The following TWF1 variants were observed in gnomAD, a reference collection of about 807,000 sequenced individuals.
TWF1 encodes twinfilin-1.
A neutral mutation model predicts 47.9 loss-of-function variants in TWF1; 14 were observed. The ratio of observed to expected loss-of-function variants is 0.29; its 90% CI spans 0.19 to 0.46. The LOEUF (loss-of-function observed/expected upper bound fraction) is 0.46, where lower values mean the gene tolerates loss of function less well. TWF1 is among the 20% of genes least tolerant of loss of function. TWF1 has a pLI of 1.00. For missense variants in TWF1, 281 were observed against 409.3 expected (o/e 0.69, Z 2.70); for synonymous variants, 96 against 139.2 (o/e 0.69, Z 2.18).
rs1194963696 is a variant in TWF1 at position 43,795,556 on chromosome 12, C to G, written c.*29G>C. The G allele has an allele frequency of 6.3e-7, 1 of 1,590,710 alleles. No homozygotes were observed. The highest frequency in any genetic ancestry group is 1.1e-5 in the South Asian group (1 of 89,048). On this transcript the variant is annotated 3_prime_UTR_variant, in exon 9 of 9. Coordinates refer to ENST00000395510, the MANE Select transcript of TWF1 (RefSeq NM_002822.5). Reference sequence around the variant, plus strand: ...TACTAAAAGCTGGACTTTTAAAAAACTAGTATTACAATGTTTAATGTGATG... The same window carrying G: ...TACTAAAAGCTGGACTTTTAAAAAAGTAGTATTACAATGTTTAATGTGATG...
chr12:43,803,828 A>G (rs1342414971), intron 2 of TWF1, among the ~76,000 whole-genome samples: 1 of 152,144 alleles, frequency 6.6e-6, no homozygotes, highest in African/African-American at 2.4e-5. Flanking sequence ...TTACTTTTCC[A>G]AAGCAAAATA....
At chr12:43,800,564 A>T (rs1381258364) in intron 3 of TWF1, 34 bp from the exon 4 acceptor site, 2 of 1,514,076 alleles carry the variant, frequency 1.3e-6, no homozygotes, top group South Asian at 2.3e-5. Context: ...TAGTTTATAG[A>T]TGAAAACATA....
Position 43,802,295 on chromosome 12 carries a change from A to C in TWF1, c.273T>G (p.Asp91Glu). ...TAAAAAAGTTACTTACATGAGAATGATCTGGAGACCATGCAATGAATATCC... is the reference window on the plus strand; with the variant it reads ...TAAAAAAGTTACTTACATGAGAATGCTCTGGAGACCATGCAATGAATATCC... The part of the protein sequence containing the change: ...YEWIFIAWSP[D>E]HSHVRQKMLY... The change falls in exon 3 of 9, where the codon GAT becomes GAG. Residue 91 changes from aspartate (D) to glutamate (E), a missense_variant. Coordinates refer to ENST00000395510, the MANE Select transcript of TWF1 (RefSeq NM_002822.5). 6.5e-7 allele frequency: 1 copy of C among 1,538,142 alleles called. No homozygotes were observed. Among genetic ancestry groups the C allele is most frequent in the African/African-American group, 1.4e-5 (1 of 70,526 alleles).
In TWF1 at chr12:43,806,272, G is replaced by A. The variant is rs1408593880; in HGVS notation, c.-27C>T. 6.6e-6 allele frequency: 10 copies of A among 1,515,160 alleles called. No individual in the cohort carries two copies. Among genetic ancestry groups the A allele is most frequent in the African/African-American group, 2.9e-5 (2 of 69,166 alleles). 93.9% of individuals were successfully genotyped at this position (1,515,160 alleles called of 1,614,324 possible). On this transcript the variant is annotated 5_prime_UTR_variant, in exon 1 of 9. Transcript: ENST00000395510. The stretch of plus-strand genomic sequence containing the variant: ...GCGGCGGCCGCTAGCTCCCGGCTCC[G>A]GCGCTGAGTGCAGCCAGCGGCCCCG...
chr12:43,805,698 T>C, intron 1 of TWF1: 2 of 900,986 alleles, frequency 2.2e-6, no homozygotes, highest in Non-Finnish European at 3.2e-6. Context: ...AACTCTCATT[T>C]TCCTATTTGG....
In TWF1 at chr12:43,806,299, C is replaced by T. The variant is rs778991213; in HGVS notation, c.-54G>A. 1.8e-4 allele frequency: 257 copies of T among 1,448,664 alleles called. No individual in the cohort carries two copies. Among genetic ancestry groups the T allele is most frequent in the Non-Finnish European group, 2.1e-4 (230 of 1,100,676 alleles). 89.7% of individuals were successfully genotyped at this position (1,448,664 alleles called of 1,614,324 possible). ...CGCTGAGTGCAGCCAGCGGCCCCGGCCGGCGGCCCCAGGAAGTGGCTGCTC... is the reference window on the plus strand; with the variant it reads ...CGCTGAGTGCAGCCAGCGGCCCCGGTCGGCGGCCCCAGGAAGTGGCTGCTC... On this transcript the variant is annotated 5_prime_UTR_variant, in exon 1 of 9. Coordinates refer to ENST00000395510, the MANE Select transcript of TWF1 (RefSeq NM_002822.5).
chr12:43,797,635 T>C, intron 6 of TWF1, 73 bp downstream of exon 6: 2 of 1,508,220 alleles, frequency 1.3e-6, no homozygotes, highest in Non-Finnish European at 1.8e-6. Context: ...TAAAATCCAT[T>C]AATAATAAAC....
At chr12:43,796,869 C>G (rs1157670427) in intron 8 of TWF1, 107 bp downstream of exon 8, 1 of 1,243,802 alleles carries the variant, frequency 8.0e-7, no homozygotes, top group East Asian at 2.5e-5. Context: ...AGGATGATAA[C>G]AAGAAAAATA....
intron 1 of TWF1, chr12:43,805,903 G>A (rs766825429): frequency 1.6e-5 from 23 of 1,483,740 alleles, no homozygotes; most frequent in Non-Finnish European, 1.9e-5. Flanking sequence ...ACCAAAAGGG[G>A]GAAAGTTGGG....
chr12:43,806,182 G>A (rs776038054), intron 1 of TWF1, 39 bp downstream of exon 1: 80 of 1,538,710 alleles, frequency 5.2e-5, no homozygotes, highest in Non-Finnish European at 6.7e-5. Context: ...CGGCTCTCCC[G>A]GAAGCCCCTT....
In TWF1 at chr12:43,795,744, G is replaced by A. The variant is rs1369156657; in HGVS notation, c.894C>T (p.Asp298=). 6.2e-7 allele frequency: 1 copy of A among 1,613,548 alleles called. No individual in the cohort carries two copies. Among genetic ancestry groups the A allele is most frequent in the Non-Finnish European group, 8.5e-7 (1 of 1,179,690 alleles). The change falls in exon 9 of 9, where the codon GAC becomes GAT. Residue 298 remains aspartate (D), a synonymous_variant. Transcript: ENST00000395510. ...AGTCTGCAGTCAACTCATCCCCATTGTCTATCTCGATCTGTAAAAGATAAA... is the reference window on the plus strand; with the variant it reads ...AGTCTGCAGTCAACTCATCCCCATTATCTATCTCGATCTGTAAAAGATAAA... The part of the protein sequence containing the change: ...QMDVIRKIEI[D]NGDELTADFL...
chr12:43,804,698 A>C, intron 1 of TWF1, 126 bp from the exon 2 acceptor site: 1 of 570,042 alleles, frequency 1.8e-6, no homozygotes. Flanking sequence ...TATTATCAGT[A>C]TTATAAAACT....
chr12:43,794,176 G>T lies in TWF1; in HGVS notation c.*1409C>A, dbSNP rs561794574. 6 of 152,626 alleles carry T rather than the reference G, an allele frequency of 3.9e-5. No individual in the cohort carries two copies. Among genetic ancestry groups the T allele is most frequent in the South Asian group, 4.2e-4 (2 of 4,818 alleles). 9.5% of individuals were successfully genotyped at this position (152,626 alleles called of 1,614,324 possible). On this transcript the variant is annotated 3_prime_UTR_variant, in exon 9 of 9. Transcript: ENST00000395510. Reference sequence around the variant, plus strand: ...GTGTCTGTCTACGTGTACACCCATGGAACAACTTATATCTTTAGTAAACAA... The same window carrying T: ...GTGTCTGTCTACGTGTACACCCATGTAACAACTTATATCTTTAGTAAACAA...
At chr12:43,797,613 C>T in intron 6 of TWF1, 95 bp downstream of exon 6, 1 of 1,470,786 alleles carries the variant, frequency 6.8e-7, no homozygotes, top group Non-Finnish European at 9.1e-7. Context: ...AATCAGAAAG[C>T]TATTTAAAAT....
intron 1 of TWF1, 63 bp downstream of exon 1, chr12:43,806,158 C>CCTCCCGGCT (rs71435960): frequency 0.094 from 144,864 of 1,534,204 alleles, 7,267 homozygotes; most frequent in African/African-American, 0.14. Flanking sequence ...GTCCTGCAGC[C>CCTCCCGGCT]CTCCCGGCTC....
Position 43,806,213 on chromosome 12 carries a change from G to C in TWF1, c.25+8C>G. 6.5e-7 allele frequency: 1 copy of C among 1,540,190 alleles called. No homozygotes were observed. The highest frequency in any genetic ancestry group is 1.4e-5 in the African/African-American group (1 of 72,024). On this transcript the variant is annotated splice_region_variant and intron_variant, in intron 1 of 8. Coordinates refer to ENST00000395510, the MANE Select transcript of TWF1 (RefSeq NM_002822.5). Reference sequence around the variant, plus strand: ...CCCTTCCCTGCGAGTCGCGCCGGGCGCTGTTACCTTGGATGCCGGTCTGGT... The same window carrying C: ...CCCTTCCCTGCGAGTCGCGCCGGGCCCTGTTACCTTGGATGCCGGTCTGGT...
In TWF1 at chr12:43,799,390, T is replaced by TACAA; in HGVS notation, c.483+7_483+8insTTGT. ...AAATCTTGCAAAGACTTTGTAGTTGTAACTTACCTCATTGATTTTAATCTG... is the reference window on the plus strand; with the variant it reads ...AAATCTTGCAAAGACTTTGTAGTTGTACAAAACTTACCTCATTGATTTTAATCTG... On this transcript the variant is annotated splice_region_variant and intron_variant, in intron 5 of 8. Coordinates refer to ENST00000395510, the MANE Select transcript of TWF1 (RefSeq NM_002822.5). 1 of 1,582,108 alleles carries TACAA rather than the reference T, an allele frequency of 6.3e-7. No individual in the cohort carries two copies. Among genetic ancestry groups the TACAA allele is most frequent in the Non-Finnish European group, 8.6e-7 (1 of 1,156,234 alleles).
At position 43,806,195 on chromosome 12, in the gene TWF1, C is replaced by G. The variant is rs1002649858; in HGVS notation, c.25+26G>C. On this transcript the variant is annotated intron_variant, in intron 1 of 8. Coordinates refer to ENST00000395510, the MANE Select transcript of TWF1 (RefSeq NM_002822.5). ...CCCGGCTCTCCCGGAAGCCCCTTCC[C>G]TGCGAGTCGCGCCGGGCGCTGTTAC... is the stretch of plus-strand genomic sequence containing the variant. 2.6e-6 allele frequency: 4 copies of G among 1,529,694 alleles called. No homozygotes were observed. In the South Asian group the frequency reaches 3.6e-5, roughly 14 times the overall value. 94.8% of individuals were successfully genotyped at this position (1,529,694 alleles called of 1,614,324 possible).
chr12:43,805,572 A>T lies in TWF1; in HGVS notation c.25+649T>A, dbSNP rs1400095692. On this transcript the variant is annotated intron_variant, in intron 1 of 8. Transcript: ENST00000395510. ...CAGGAAATAATGGAGGTCAGATATA[A>T]CTGCATATTGAACTGTCTGCACGCA... 3 of 462,466 alleles carry T rather than the reference A, an allele frequency of 6.5e-6. No homozygotes were observed. The Admixed American group carries it at 7.0e-5, about 11-fold the overall frequency. 28.6% of individuals were successfully genotyped at this position (462,466 alleles called of 1,614,324 possible).
Sources: gnomAD v4.1 joint callset for allele counts (sites outside exome capture counted in the v4.1 genomes callset) on GRCh38, gnomAD v4.1.1 for gene constraint, MANE v1.5 for transcripts, NCBI Gene and HGNC (gene_info 2026-07-23, HGNC 2026-07-21) for gene names.